The following TNXB variants were observed in gnomAD, a reference collection of about 807,000 sequenced individuals.
TNXB encodes the protein tenascin-X.
Under a neutral mutation model 340.5 loss-of-function variants are expected in TNXB, and 183 were observed. That is an observed-to-expected ratio of 0.54 (90% CI 0.48 to 0.61). The LOEUF is 0.61. TNXB is among the 20% of genes least tolerant of loss of function. TNXB has a pLI of 0.00. For synonymous variants in TNXB, 2,121 were observed against 2,314.5 expected (o/e 0.92, Z 2.40); for missense variants, 4,613 against 5,446.4 (o/e 0.85, Z 4.82).
intron 1 of TNXB, among the ~76,000 whole-genome samples, chr6:32,102,693 G>A (rs1315724187): frequency 2.6e-5 from 4 of 151,864 alleles, no homozygotes; most frequent in African/African-American, 4.8e-5. Context: ...AAGCCGAGGC[G>A]GGCGGATCAC....
chr6:32,106,465 T>C (rs1317236769), intron 1 of TNXB, among the ~76,000 whole-genome samples: 1 of 151,968 alleles, frequency 6.6e-6, no homozygotes, highest in Non-Finnish European at 1.5e-5. Context: ...GGGGGATGTG[T>C]CACTGGTAGG....
Position 32,041,484 on chromosome 6 carries a change from C to T in TNXB, c.12634-34G>A, listed in dbSNP as rs746976357. 6 of 1,149,592 alleles carry T rather than the reference C, an allele frequency of 5.2e-6. 1 individual carries two copies. The highest frequency in any genetic ancestry group is 1.3e-5 in the South Asian group (1 of 76,296). 71.2% of individuals were successfully genotyped at this position (1,149,592 alleles called of 1,614,324 possible). A position where few individuals can be genotyped will look rare whatever the true frequency, so the allele number is the denominator to read the frequency against. ...GGGGTTGTCAAGAGAGAGTCAAAGC[C>T]GGATGTCCCATCTGCTCTTCCCGTT... is the stretch of plus-strand genomic sequence containing the variant. On this transcript the variant is annotated intron_variant, in intron 43 of 43. Coordinates refer to ENST00000644971, the MANE Select transcript of TNXB (RefSeq NM_001365276.2).
At chr6:32,065,745 G>A (rs1355271146) in intron 18 of TNXB, among the ~76,000 whole-genome samples, 1 of 151,892 alleles carries the variant, frequency 6.6e-6, no homozygotes, top group Non-Finnish European at 1.5e-5. Context: ...CTCAACCCCC[G>A]CCAAGTAGCT....
Position 32,042,436 on chromosome 6 carries a change from G to C in TNXB, c.12210+19C>G, listed in dbSNP as rs764210037. ...GACCCTGCCCTGCACAGACCCCTGG[G>C]CTTCCCAATGCCACCCACCAGCCAG... On this transcript the variant is annotated intron_variant, in intron 40 of 43. Coordinates refer to ENST00000644971, the MANE Select transcript of TNXB (RefSeq NM_001365276.2). The C allele has an allele frequency of 6.2e-7, 1 of 1,610,672 alleles. No homozygotes were observed. Among genetic ancestry groups the C allele is most frequent in the Non-Finnish European group, 8.5e-7 (1 of 1,179,412 alleles).
chr6:32,076,883 G>T (rs1779110624), intron 11 of TNXB, among the ~76,000 whole-genome samples: 1 of 152,220 alleles, frequency 6.6e-6, no homozygotes, highest in Non-Finnish European at 1.5e-5. Context: ...TTGGGGGGCT[G>T]AGGCAGGAGG....
Position 32,090,216 on chromosome 6 carries a change from C to G in TNXB, c.2359-837G>C, listed in dbSNP as rs973001382. Among the ~76,000 whole-genome samples, 1 of 152,200 alleles carries G rather than the reference C, an allele frequency of 6.6e-6. No individual in the cohort carries two copies. Among genetic ancestry groups the G allele is most frequent in the African/African-American group, 2.4e-5 (1 of 41,448 alleles). The stretch of plus-strand genomic sequence containing the variant: ...TCCCTGTCCTCAGGTAGCTGAGACT[C>G]TAATAGCTAAATGTATGGCCACATC... On this transcript the variant is annotated intron_variant, in intron 4 of 43. Coordinates refer to ENST00000644971, the MANE Select transcript of TNXB (RefSeq NM_001365276.2). This position sits in a 1 kb window ranked among gnomAD's most constrained non-coding sequence, Gnocchi z 4.3.
intron 4 of TNXB, among the ~76,000 whole-genome samples, chr6:32,094,272 A>G (rs1780214072): frequency 6.6e-6 from 1 of 151,962 alleles, no homozygotes. Flanking sequence ...ACAGGGCCAA[A>G]TGCAAAGGCC....
Position 32,082,020 on chromosome 6 carries a change from G to C in TNXB, c.3736+16C>G. ...TGAGAAGGGGTCACATGGGGGCTGA[G>C]GTGGCTGCTACTCACCAGTGGTGCC... On this transcript the variant is annotated intron_variant, in intron 9 of 43. Coordinates refer to ENST00000644971, the MANE Select transcript of TNXB (RefSeq NM_001365276.2). This position sits in a 1 kb window ranked among gnomAD's most constrained non-coding sequence, Gnocchi z 5.0. 6.3e-7 allele frequency: 1 copy of C among 1,593,546 alleles called. No homozygotes were observed. The highest frequency in any genetic ancestry group is 8.5e-7 in the Non-Finnish European group (1 of 1,169,986).
At position 32,095,809 on chromosome 6, in the gene TNXB, C is replaced by T; in HGVS notation, c.2044G>A (p.Glu682Lys). 6.2e-6 allele frequency: 10 copies of T among 1,612,718 alleles called. No individual in the cohort carries two copies. Among genetic ancestry groups the T allele is most frequent in the Non-Finnish European group, 8.5e-6 (10 of 1,179,420 alleles). Residue 682 changes from glutamate (E) to lysine (K), a missense_variant, in exon 3 of 44, where the codon GAG (glutamate) becomes AAG (lysine). By Grantham distance (56) the Glu-to-Lys change is moderately conservative. Around this residue, in one of 7 missense-constraint regions of TNXB, gnomAD observed 4,327 missense variants for 4,859.4 expected, o/e 0.89. Transcript: ENST00000644971. Reference sequence around the variant, plus strand: ...CCAGGGCAGGCGCTGGCTGGAGGCTCTTCCTGCCCGCAGTCCTCACCGCCA... The same window carrying T: ...CCAGGGCAGGCGCTGGCTGGAGGCTTTTCCTGCCCGCAGTCCTCACCGCCA... ...GYGGEDCGQE[E>K]PPASACPGGC...
Position 32,052,199 on chromosome 6 carries a change from C to A in TNXB, c.9115+471G>T, listed in dbSNP as rs1777320820. Among the ~76,000 whole-genome samples the A allele has an allele frequency of 6.6e-6, 1 of 152,152 alleles. No homozygotes were observed. The highest frequency in any genetic ancestry group is 1.5e-5 in the Non-Finnish European group (1 of 68,014). On this transcript the variant is annotated intron_variant, in intron 26 of 43. Transcript: ENST00000644971. The surrounding 1 kb of genome is among the most constrained non-coding windows in gnomAD (Gnocchi z 4.7). ...GGGCGCCGTGGCTCACGCCTATGATCCCAGCACTTTGGGAGGCCGAGGAGG... is the reference window on the plus strand; with the variant it reads ...GGGCGCCGTGGCTCACGCCTATGATACCAGCACTTTGGGAGGCCGAGGAGG...
chr6:32,089,113 A>C lies in TNXB; in HGVS notation c.2516-65T>G. 1 of 1,585,148 alleles carries C rather than the reference A, an allele frequency of 6.3e-7. No homozygotes were observed. Among genetic ancestry groups the C allele is most frequent in the Admixed American group, 1.7e-5 (1 of 58,828 alleles). ...TTCTTCAATCATCATCTTTCCTTCC[A>C]AGAGCCTAGCCCCCATCCAGCCCCT... On this transcript the variant is annotated intron_variant, in intron 5 of 43. Transcript: ENST00000644971. The surrounding 1 kb of genome is among the most constrained non-coding windows in gnomAD (Gnocchi z 6.2).
Position 32,085,922 on chromosome 6 carries a change from T to C in TNXB, c.2976A>G (p.Gln992=), listed in dbSNP as rs183834630. The C allele has an allele frequency of 2.5e-6, 4 of 1,608,554 alleles. No individual in the cohort carries two copies. The highest frequency in any genetic ancestry group is 1.7e-4 in the Middle Eastern group (1 of 5,762). The part of the protein sequence containing the change: ...TAQPDTFAYF[Q]LRMRVPEGPG... Reference sequence around the variant, plus strand: ...GCCCCTCGGGCACCCGCATGCGCAGTTGGAAGTAGGCAAAGGTGTCAGGCT... The same window carrying C: ...GCCCCTCGGGCACCCGCATGCGCAGCTGGAAGTAGGCAAAGGTGTCAGGCT... Residue 992 remains glutamine, a synonymous_variant, in exon 7 of 44, where the codon CAA becomes CAG. Coordinates refer to ENST00000644971, the MANE Select transcript of TNXB (RefSeq NM_001365276.2). The surrounding 1 kb of genome is among the most constrained non-coding windows in gnomAD (Gnocchi z 6.4).
In TNXB at chr6:32,068,433, G is replaced by A. The variant is rs551447544; in HGVS notation, c.6177C>T (p.His2059=). Residue 2059 remains histidine, a synonymous_variant, in exon 17 of 44, where the codon CAC becomes CAT. Coordinates refer to ENST00000644971, the MANE Select transcript of TNXB (RefSeq NM_001365276.2). The surrounding 1 kb of genome is among the most constrained non-coding windows in gnomAD (Gnocchi z 5.3). ...ACACAGGGCCCATGCGCTGGCCACC[G>A]TGGAAGCCGTACAGGTTCATCTTGT... is the stretch of plus-strand genomic sequence containing the variant. ...HKYKMNLYGF[H]GGQRMGPVSV... is the part of the protein sequence containing the mutation. 17 of 1,613,718 alleles carry A rather than the reference G, an allele frequency of 1.1e-5. No homozygotes were observed. Among genetic ancestry groups the A allele is most frequent in the South Asian group, 3.3e-5 (3 of 91,082 alleles).
Position 32,068,838 on chromosome 6 carries a change from A to T in TNXB, c.5886T>A (p.His1962Gln). 1.9e-6 allele frequency: 3 copies of T among 1,607,424 alleles called. No individual in the cohort carries two copies. Among genetic ancestry groups the T allele is most frequent in the Non-Finnish European group, 2.6e-6 (3 of 1,175,416 alleles). Residue 1962 changes from histidine (H) to glutamine (Q), a missense_variant, in exon 16 of 44, where the codon CAT becomes CAA. Coordinates refer to ENST00000644971, the MANE Select transcript of TNXB (RefSeq NM_001365276.2). This position sits in a 1 kb window ranked among gnomAD's most constrained non-coding sequence, Gnocchi z 5.3. ...AGTTCTCACCTGTCAGGGCCTCGACATGGACAGGACCTACATGCTTCCCAT... is the reference window on the plus strand; with the variant it reads ...AGTTCTCACCTGTCAGGGCCTCGACTTGGACAGGACCTACATGCTTCCCAT... ...FSDGKHVGPV[H>Q]VEALTVPEEE...
Position 32,097,156 on chromosome 6 carries a change from A to T in TNXB, c.697T>A (p.Cys233Ser). The T allele has an allele frequency of 6.2e-7, 1 of 1,600,126 alleles. No individual in the cohort carries two copies. The highest frequency in any genetic ancestry group is 8.5e-7 in the Non-Finnish European group (1 of 1,174,096). Residue 233 changes from cysteine to serine, a missense_variant, in exon 3 of 44, where the codon TGT becomes AGT. By Grantham distance (112) the Cys-to-Ser change is moderately radical (BLOSUM62 -1). Around this residue, in one of 7 missense-constraint regions of TNXB, gnomAD observed 4,327 missense variants for 4,859.4 expected, o/e 0.89. Coordinates refer to ENST00000644971, the MANE Select transcript of TNXB (RefSeq NM_001365276.2). This position sits in a 1 kb window ranked among gnomAD's most constrained non-coding sequence, Gnocchi z 5.9. ...QGRGRCVQGV[C>S]VCRAGFSGPD... ...CCTGAGAAGCCTGCCCGGCACACAC[A>T]CACGCCCTGCACGCAGCGCCCACGG...
Position 32,042,783 on chromosome 6 carries a change from AGAGGCCAAGGAGCTGGT to A in TNXB, c.11957_11973del (p.His3986LeufsTer74), listed in dbSNP as rs1213594640. 1.6e-6 allele frequency: 1 copy of A among 643,270 alleles called. No individual in the cohort carries two copies. Among genetic ancestry groups the A allele is most frequent in the Non-Finnish European group, 2.6e-6 (1 of 379,354 alleles). 39.8% of individuals were successfully genotyped at this position (643,270 alleles called of 1,614,324 possible). A position where few individuals can be genotyped will look rare whatever the true frequency, so the allele number is the denominator to read the frequency against. ...CGTGCATTGTAGGAGGTGGAGGGAA[AGAGGCCAAGGAGCTGGT>A]GAGATGTGATCCCTCCTGGGAGCAG... On this transcript the variant is annotated frameshift_variant, in exon 39 of 44. Transcript: ENST00000644971. LOFTEE classifies it high-confidence loss of function.
chr6:32,102,049 A>C (rs987437049), intron 1 of TNXB, among the ~76,000 whole-genome samples: 2 of 152,186 alleles, frequency 1.3e-5, no homozygotes, highest in African/African-American at 4.8e-5. Flanking sequence ...AAAGATGCAC[A>C]AAATCACTAG....
In TNXB at chr6:32,048,563, C is replaced by A; in HGVS notation, c.9845G>T (p.Trp3282Leu). The A allele has an allele frequency of 6.4e-7, 1 of 1,569,180 alleles. No individual in the cohort carries two copies. Among genetic ancestry groups the A allele is most frequent in the Admixed American group, 1.8e-5 (1 of 55,908 alleles). Reference sequence around the variant, plus strand: ...GTCAAAGGGGCCCTGGGCCACCGTCCATGAGAGGCCCACTGAGTCCGAGGT... The same window carrying A: ...GTCAAAGGGGCCCTGGGCCACCGTCAATGAGAGGCCCACTGAGTCCGAGGT... The part of the protein sequence containing the change: ...AVTSDSVGLS[W>L]TVAQGPFDSF... The change falls in exon 29 of 44, where the codon TGG becomes TTG. Residue 3282 changes from tryptophan (W) to leucine (L), a missense_variant. Trp to Leu is a moderately conservative substitution (Grantham distance 61). This residue lies in a region of TNXB where 4,327 missense variants were observed against 4,859.4 expected (regional missense o/e 0.89). Coordinates refer to ENST00000644971, the MANE Select transcript of TNXB (RefSeq NM_001365276.2).
rs1776895070 is a variant in TNXB at position 32,046,487 on chromosome 6, T to G, written c.10325-31A>C. ...CAGAGGGAGGAGGGAAAGCTCTTAGTCACATGCTGCCTTTGCCTAAGCCCT... is the reference window on the plus strand; with the variant it reads ...CAGAGGGAGGAGGGAAAGCTCTTAGGCACATGCTGCCTTTGCCTAAGCCCT... On this transcript the variant is annotated intron_variant, in intron 30 of 43. Transcript: ENST00000644971. The surrounding 1 kb of genome is among the most constrained non-coding windows in gnomAD (Gnocchi z 6.9). 2.6e-6 allele frequency: 4 copies of G among 1,530,244 alleles called. No individual in the cohort carries two copies. The Admixed American group carries it at 7.6e-5, about 29-fold the overall frequency. The allele number at this position is 1,530,244 out of a possible 1,614,324, so 94.8% of individuals were successfully genotyped here.
Sources: gnomAD v4.1 joint callset for allele counts (sites outside exome capture counted in the v4.1 genomes callset) on GRCh38, gnomAD v4.1.1 for gene constraint, gnomAD v4.1.1 regional missense constraint, Gnocchi (gnomAD v3.1) non-coding constraint, MANE v1.5 for transcripts, NCBI Gene and HGNC (gene_info 2026-07-23, HGNC 2026-07-21) for gene names.